Variants in MECOM observed in about 807,000 individuals in gnomAD.
The protein encoded by MECOM is histone-lysine N-methyltransferase MECOM.
A neutral mutation model predicts 116.3 loss-of-function variants in MECOM; 13 were observed. The ratio of observed to expected loss-of-function variants is 0.11; its 90% confidence interval spans 0.07 to 0.18. MECOM has a LOEUF of 0.18. MECOM is among the 10% of genes least tolerant of loss of function. MECOM has a pLI of 1.00. For synonymous variants in MECOM, 528 were observed against 535.2 expected (o/e 0.99, Z 0.19); for missense variants, 1,299 against 1,509.0 (o/e 0.86, Z 2.31).
intron 2 of MECOM, among the ~76,000 whole-genome samples, chr3:169,234,448 CAT>C (rs1419262115): frequency 7.3e-6 from 1 of 137,900 alleles, no homozygotes; most frequent in Admixed American, 7.3e-5. Context: ...ATAAGGGAGA[CAT>C]ATAAAAGCAA....
At chr3:169,623,810 T>TACACACACAC (rs113348633) in intron 1 of MECOM, 6 of 147,764 alleles carry the variant, frequency 4.1e-5, no homozygotes, top group African/African-American at 1.5e-4. Flanking sequence ...CACACACACA[T>TACACACACAC]ACACACACAC....
chr3:169,121,525 G>A (rs1731025663), intron 6 of MECOM, among the ~76,000 whole-genome samples: 2 of 152,054 alleles, frequency 1.3e-5, no homozygotes, highest in Non-Finnish European at 2.9e-5. Flanking sequence ...TAAAATGCTG[G>A]TTAAGCCATT....
chr3:169,346,684 C>G (rs1372639826), intron 2 of MECOM, among the ~76,000 whole-genome samples: 1 of 151,796 alleles, frequency 6.6e-6, no homozygotes, highest in African/African-American at 2.4e-5. Flanking sequence ...AAAAGAAATG[C>G]TTAACCTCAC....
intron 1 of MECOM, among the ~76,000 whole-genome samples, chr3:169,541,687 T>C (rs1760077797): frequency 6.6e-6 from 1 of 152,152 alleles, no homozygotes; most frequent in Non-Finnish European, 1.5e-5. Context: ...ATGCCCCTTT[T>C]CAAGCCGTCC....
intron 2 of MECOM, among the ~76,000 whole-genome samples, chr3:169,186,838 T>C (rs1184167741): frequency 2.6e-5 from 4 of 152,104 alleles, no homozygotes; most frequent in African/African-American, 9.7e-5. Flanking sequence ...AGGTGACTTA[T>C]GAGCTGCAGT....
chr3:169,525,244 A>G (rs922548794), intron 1 of MECOM, among the ~76,000 whole-genome samples: 6 of 152,260 alleles, frequency 3.9e-5, no homozygotes, highest in Non-Finnish European at 7.3e-5. Flanking sequence ...CGGTGGCAAG[A>G]AAGTCCAGAG....
chr3:169,648,778 A>G (rs73032039), intron 1 of MECOM, among the ~76,000 whole-genome samples: 1 of 152,342 alleles, frequency 6.6e-6, no homozygotes, highest in African/African-American at 2.4e-5. Flanking sequence ...GTTTATGTCA[A>G]TTTGGGGGTA....
chr3:169,378,510 AAAGAAAAGAAAG>A (rs1355310257), intron 2 of MECOM, among the ~76,000 whole-genome samples: 3 of 30,786 alleles, frequency 9.7e-5, no homozygotes, highest in South Asian at 2.0e-3. Flanking sequence ...AGAAAGAAAG[AAAGAAAAGAAAG>A]AAAGAAAGAA....
At chr3:169,183,579 G>A (rs1398540696) in intron 2 of MECOM, among the ~76,000 whole-genome samples, 1 of 151,992 alleles carries the variant, frequency 6.6e-6, no homozygotes. Flanking sequence ...GCAACAGCAG[G>A]AGGAGGAGGA....
chr3:169,408,186 G>T (rs548868021), intron 1 of MECOM, among the ~76,000 whole-genome samples: 4 of 152,070 alleles, frequency 2.6e-5, no homozygotes, highest in African/African-American at 9.7e-5. Flanking sequence ...GAAAACTTCC[G>T]AGAACAGTAT....
In MECOM at chr3:169,256,484, A is replaced by G. The variant is rs190125159; in HGVS notation, c.376-112652T>C. ...GTGGGATACACTTTCCAGCACCAAG[A>G]TATTATTTGATTCTTTGATCAATTA... On this transcript the variant is annotated intron_variant, in intron 2 of 16. Transcript: ENST00000651503. Among the ~76,000 whole-genome samples, 12 of 152,354 alleles carry G rather than the reference A, an allele frequency of 7.9e-5. No individual in the cohort carries two copies. The East Asian group carries it at 2.3e-3, about 29-fold the overall frequency.
chr3:169,557,419 A>AT (rs2109342050), intron 1 of MECOM, among the ~76,000 whole-genome samples: 1 of 152,356 alleles, frequency 6.6e-6, no homozygotes, highest in South Asian at 2.1e-4. Context: ...CCCTCTTAAA[A>AT]TTAAGTATTC....
At position 169,131,530 on chromosome 3, in the gene MECOM, A is replaced by T. The variant is rs1413723848; in HGVS notation, c.512T>A (p.Ile171Lys). The change falls in exon 4 of 17, where the codon ATA (isoleucine) becomes AAA (lysine). Residue 171 changes from isoleucine to lysine, a missense_variant and splice_region_variant. Ile to Lys is a moderately radical substitution (Grantham distance 102). This residue lies in a region of MECOM where 374 missense variants were observed against 433.4 expected (regional missense o/e 0.86). Transcript: ENST00000651503. ...AATGTCTGCAACTACTCTATAGAAT[A>T]TCTTTAAAGACAAAATAAAGGTGGA... Reference protein sequence around the residue: ...NLVACQINDQIFYRVVADIAP... With the variant: ...NLVACQINDQKFYRVVADIAP... 3 of 1,608,988 alleles carry T rather than the reference A, an allele frequency of 1.9e-6. No homozygotes were observed. In the East Asian group the frequency reaches 6.7e-5, roughly 36 times the overall value.
At chr3:169,405,294 C>T (rs1736520122) in intron 1 of MECOM, among the ~76,000 whole-genome samples, 1 of 152,000 alleles carries the variant, frequency 6.6e-6, no homozygotes, top group Non-Finnish European at 1.5e-5. Flanking sequence ...CAAAGAGTCT[C>T]TGAGAGATAC....
At chr3:169,245,576 A>C (rs149886287) in intron 2 of MECOM, among the ~76,000 whole-genome samples, 1,587 of 152,308 alleles carry the variant, frequency 0.01, 13 homozygotes, top group Middle Eastern at 0.024. Flanking sequence ...CATCAGATTC[A>C]AACAATTTCT....
intron 1 of MECOM, among the ~76,000 whole-genome samples, chr3:169,523,952 G>A (rs1757664647): frequency 6.9e-6 from 1 of 145,896 alleles, no homozygotes; most frequent in Admixed American, 6.9e-5. Context: ...ATATATGTGT[G>A]TATATATACA....
At chr3:169,558,035 G>T (rs893694989) in intron 1 of MECOM, among the ~76,000 whole-genome samples, 1 of 152,090 alleles carries the variant, frequency 6.6e-6, no homozygotes, top group African/African-American at 2.4e-5. Context: ...TTTTTTAAAA[G>T]ATTTTTTAAA....
At chr3:169,165,440 A>G (rs1743435360) in intron 2 of MECOM, among the ~76,000 whole-genome samples, 1 of 152,132 alleles carries the variant, frequency 6.6e-6, no homozygotes, top group African/African-American at 2.4e-5. Context: ...CTAGGAAAAA[A>G]GTATGTGGTT....
At chr3:169,589,397 C>T (rs1766138704) in intron 1 of MECOM, among the ~76,000 whole-genome samples, 1 of 152,052 alleles carries the variant, frequency 6.6e-6, no homozygotes. Context: ...CAAATTCGGC[C>T]ATCCCATATC....
Sources: gnomAD v4.1 joint callset for allele counts (sites outside exome capture counted in the v4.1 genomes callset) on GRCh38, gnomAD v4.1.1 for gene constraint, gnomAD v4.1.1 regional missense constraint, MANE v1.5 for transcripts, NCBI Gene and HGNC (gene_info 2026-07-23, HGNC 2026-07-21) for gene names.